The following BTBD19 variants were observed in gnomAD, a reference collection of about 807,000 sequenced individuals.
BTBD19 encodes the protein BTB domain containing 19.
BTBD19 carries 20 observed loss-of-function variants against 36.1 expected under a neutral mutation model. The observed-to-expected ratio is 0.55, with a 90% confidence interval of 0.39 to 0.80. BTBD19 has a LOEUF of 0.80. Ranked by LOEUF, BTBD19 falls within the 30% of genes least tolerant of loss-of-function variation. The probability of loss-of-function intolerance (pLI) is 0.00; values close to 1 mark genes in which losing one functional copy is unlikely to be tolerated. For missense variants in BTBD19, 325 were observed against 389.8 expected (o/e 0.83, Z 1.40); for synonymous variants, 157 against 174.3 (o/e 0.90, Z 0.78).
At chr1:44,814,196 TTC>T (rs1467792851), downstream of BTBD19, 24 of 152,790 alleles carry the variant, frequency 1.6e-4, no homozygotes, top group African/African-American at 3.2e-4. Context: ...CTTTCTTTCT[TTC>T]TTTCTTTCTT....
chr1:44,810,039 G>A lies in BTBD19; in HGVS notation c.87-174G>A, dbSNP rs945122522. ...CACTTGCCTATGGTACCCATTAGGTGGAGCTGGGACTAGAACTCAGGGCTT... is the reference window on the plus strand; with the variant it reads ...CACTTGCCTATGGTACCCATTAGGTAGAGCTGGGACTAGAACTCAGGGCTT... On this transcript the variant is annotated intron_variant, in intron 1 of 7. Coordinates refer to ENST00000450269, the Ensembl canonical transcript of BTBD19. The surrounding 1 kb of genome is among the most constrained non-coding windows in gnomAD (Gnocchi z 4.2). Among the ~76,000 whole-genome samples the A allele has an allele frequency of 1.3e-5, 2 of 152,258 alleles. No homozygotes were observed. Among genetic ancestry groups the A allele is most frequent in the African/African-American group, 2.4e-5 (1 of 41,474 alleles).
rs1176532043 is a variant in BTBD19, at chr1:44,813,708, G to A, written c.812G>A (p.Cys271Tyr). 1 of 1,551,486 alleles carries A rather than the reference G, an allele frequency of 6.4e-7. No homozygotes were observed. The highest frequency in any genetic ancestry group is 8.7e-7 in the Non-Finnish European group (1 of 1,146,870). ...GGGGATGAGGCCCGGGGCGCCCCGT[G>A]TCGCCGCCGGAGAGGCACCCTGCCC... The change falls in exon 8 of 8, where the codon TGT (cysteine) becomes TAT (tyrosine). Residue 271 changes from cysteine to tyrosine, a missense_variant. Physicochemically the swap from Cys to Tyr is radical, Grantham distance 194. Transcript: ENST00000450269. The surrounding 1 kb of genome is among the most constrained non-coding windows in gnomAD (Gnocchi z 7.8).
Position 44,810,491 on chromosome 1 carries a change from A to G in BTBD19, c.301-63A>G, listed in dbSNP as rs1652354906. On this transcript the variant is annotated intron_variant, in intron 2 of 7. Coordinates refer to ENST00000450269, the Ensembl canonical transcript of BTBD19. The surrounding 1 kb of genome is among the most constrained non-coding windows in gnomAD (Gnocchi z 4.2). The stretch of plus-strand genomic sequence containing the variant: ...GGGTGCCAGAGGCAGGAGTTTGCCC[A>G]TTACACTGTGGGCACAGGGCAGGGG... 1.3e-6 allele frequency: 2 copies of G among 1,550,710 alleles called. No individual in the cohort carries two copies. The highest frequency in any genetic ancestry group is 2.7e-5 in the African/African-American group (2 of 73,012).
In BTBD19 at chr1:44,808,869, G is replaced by A. The variant is rs1017552358; in HGVS notation, c.49G>A (p.Ala17Thr). 7.1e-6 allele frequency: 11 copies of A among 1,550,010 alleles called. No homozygotes were observed. The highest frequency in any genetic ancestry group is 3.3e-4 in the Middle Eastern group (2 of 6,006). Reference sequence around the variant, plus strand: ...GCATGGGAAAGCTGAACCTTTTTCCGCAGCACTCCGAAGCCTTGTCAACAA... The same window carrying A: ...GCATGGGAAAGCTGAACCTTTTTCCACAGCACTCCGAAGCCTTGTCAACAA... The change falls in exon 1 of 8, where the codon GCA (alanine) becomes ACA (threonine). Residue 17 changes from alanine to threonine, a missense_variant. Physicochemically the swap from Ala to Thr is moderately conservative, Grantham distance 58. Coordinates refer to ENST00000450269, the Ensembl canonical transcript of BTBD19.
rs867693026 is a variant in BTBD19 at position 44,813,731 on chromosome 1, C to T, written c.835C>T (p.Pro279Ser). The T allele has an allele frequency of 3.9e-6, 6 of 1,551,534 alleles. No homozygotes were observed. Among genetic ancestry groups the T allele is most frequent in the South Asian group, 1.2e-5 (1 of 84,058 alleles). ...GTGTCGCCGCCGGAGAGGCACCCTG[C>T]CCCGGGAGCATCACCGCTTTCTGGA... The change falls in exon 8 of 8, where the codon CCC (proline) becomes TCC (serine). Residue 279 changes from proline (P) to serine (S), a missense_variant. Transcript: ENST00000450269. The surrounding 1 kb of genome is among the most constrained non-coding windows in gnomAD (Gnocchi z 7.8).
chr1:44,812,611 C>G, intron 4 of BTBD19: 1 of 392,126 alleles, frequency 2.6e-6, no homozygotes, highest in Admixed American at 3.2e-5. Flanking sequence ...GCAGGAGAAT[C>G]GCTTGAACCC....
chr1:44,809,239 C>T (rs1652286917), intron 1 of BTBD19, among the ~76,000 whole-genome samples: 1 of 152,148 alleles, frequency 6.6e-6, no homozygotes, highest in Admixed American at 6.5e-5. Flanking sequence ...CTCCTCCCTC[C>T]ACTCACTCAG....
chr1:44,814,160 T>TTCTG (rs879548612), downstream of BTBD19: 6,370 of 130,888 alleles, frequency 0.049, 249 homozygotes, highest in Admixed American at 0.077. Context: ...CTTTCTTTCT[T>TTCTG]TCTTTCTTTC....
At chr1:44,814,494 T>A (rs1034069942), downstream of BTBD19, 1 of 150,400 alleles carries the variant, frequency 6.6e-6, no homozygotes, top group African/African-American at 2.5e-5. Flanking sequence ...GAGACGGAGT[T>A]TCACCGTATT....
chr1:44,812,005 C>A (rs1367223228), intron 3 of BTBD19, 34 bp from the exon 4 acceptor site: 1 of 1,298,306 alleles, frequency 7.7e-7, no homozygotes, highest in South Asian at 1.2e-5. Context: ...AGCAGGGACA[C>A]CGCCACCCAA....
chr1:44,811,828 G>T, intron 3 of BTBD19: 1 of 353,382 alleles, frequency 2.8e-6, no homozygotes, highest in Non-Finnish European at 5.8e-6. Flanking sequence ...ACTAGAAGGT[G>T]GGTGGCTGGG....
chr1:44,811,487 C>T (rs182639278), intron 3 of BTBD19, among the ~76,000 whole-genome samples: 13 of 152,228 alleles, frequency 8.5e-5, no homozygotes, highest in East Asian at 3.9e-4. Context: ...CTGCAGAGGA[C>T]GCCAGGGCCT....
downstream of BTBD19, chr1:44,815,288 T>C (rs1396789827): frequency 6.6e-6 from 1 of 152,220 alleles, no homozygotes; most frequent in Non-Finnish European, 1.5e-5. Flanking sequence ...TCTATTTCAC[T>C]TTCAGGGCAC....
In BTBD19 at chr1:44,813,562, C is replaced by T. The variant is rs1652537103; in HGVS notation, c.741+63C>T. 6.5e-7 allele frequency: 1 copy of T among 1,535,034 alleles called. No individual in the cohort carries two copies. On this transcript the variant is annotated intron_variant, in intron 7 of 7. Coordinates refer to ENST00000450269, the Ensembl canonical transcript of BTBD19. This position sits in a 1 kb window ranked among gnomAD's most constrained non-coding sequence, Gnocchi z 7.8. ...GGGGGTACAGGGCGCTGGGAGGGGG[C>T]AGGAGCAGCCCGGCCCACGGTCCTC...
intron 4 of BTBD19, chr1:44,812,321 G>C (rs918130798): frequency 2.2e-6 from 1 of 457,442 alleles, no homozygotes; most frequent in African/African-American, 2.0e-5. Context: ...TGTTGAAGGG[G>C]CTGGAGGTCT....
At position 44,813,648 on chromosome 1, in the gene BTBD19, T is replaced by C; in HGVS notation, c.752T>C (p.Ile251Thr). The change falls in exon 8 of 8, where the codon ATT becomes ACT. Residue 251 changes from isoleucine to threonine, a missense_variant. Physicochemically the swap from Ile to Thr is moderately conservative, Grantham distance 89. Transcript: ENST00000450269. The surrounding 1 kb of genome is among the most constrained non-coding windows in gnomAD (Gnocchi z 7.8). ...GGCCTTGCTCTGCAGGTGGAGCAGATTGTGGAGGCGTGGAAATGCCATGCC... is the reference window on the plus strand; with the variant it reads ...GGCCTTGCTCTGCAGGTGGAGCAGACTGTGGAGGCGTGGAAATGCCATGCC... 1.3e-6 allele frequency: 2 copies of C among 1,550,180 alleles called. No homozygotes were observed. The highest frequency in any genetic ancestry group is 1.7e-6 in the Non-Finnish European group (2 of 1,145,940).
At chr1:44,811,094 C>T (rs1035084280) in intron 3 of BTBD19, among the ~76,000 whole-genome samples, 1 of 151,994 alleles carries the variant, frequency 6.6e-6, no homozygotes, top group Admixed American at 6.6e-5. Flanking sequence ...GTGGCACACA[C>T]CTGTTAATTG....
intron 3 of BTBD19, 160 bp from the exon 4 acceptor site, chr1:44,811,879 T>C: frequency 2.2e-6 from 1 of 462,350 alleles, no homozygotes; most frequent in Non-Finnish European, 4.1e-6. Context: ...GCCTGCTGTC[T>C]CAGGCTCTAG....
intron 3 of BTBD19, chr1:44,811,610 T>G: frequency 5.1e-6 from 1 of 194,414 alleles, no homozygotes; most frequent in Non-Finnish European, 1.1e-5. Context: ...GGAGAAGGGA[T>G]TGGAAGAGGT....
Sources: gnomAD v4.1 joint callset for allele counts (sites outside exome capture counted in the v4.1 genomes callset) on GRCh38, gnomAD v4.1.1 for gene constraint, Gnocchi (gnomAD v3.1) non-coding constraint, MANE v1.5 for transcripts, NCBI Gene and HGNC (gene_info 2026-07-23, HGNC 2026-07-21) for gene names.